IGF2R: variants seen among roughly 807,000 people sequenced by gnomAD.
The protein encoded by IGF2R is cation-independent mannose-6-phosphate receptor.
Under a neutral mutation model 270.6 loss-of-function variants are expected in IGF2R, and 91 were observed. That is an observed-to-expected ratio of 0.34 (90% CI 0.28 to 0.40). IGF2R has a LOEUF of 0.40. Among genes scored for constraint, IGF2R ranks in the 10% least tolerant of loss-of-function variants. The probability of loss-of-function intolerance (pLI) is 1.00; values close to 1 mark genes in which losing one functional copy is unlikely to be tolerated. For missense variants in IGF2R, 2,805 were observed against 3,188.3 expected (o/e 0.88, Z 2.90); for synonymous variants, 1,316 against 1,258.9 (o/e 1.05, Z -0.96).
At chr6:159,989,489 G>A (rs1044205347) in intron 1 of IGF2R, among the ~76,000 whole-genome samples, 9 of 152,186 alleles carry the variant, frequency 5.9e-5, no homozygotes, top group African/African-American at 1.9e-4. Flanking sequence ...TACCCCCAGG[G>A]CCTCCACAAC....
rs1340102038 is a variant in IGF2R, at chr6:160,037,401, G to A, written c.1315+2879G>A. Among the ~76,000 whole-genome samples the A allele has an allele frequency of 2.0e-5, 3 of 152,252 alleles. No homozygotes were observed. In the South Asian group the frequency reaches 6.2e-4, roughly 32 times the overall value. On this transcript the variant is annotated intron_variant, in intron 10 of 47. Transcript: ENST00000356956. Reference sequence around the variant, plus strand: ...AAATTAGTTCATTATTATTTTGCTCGAATTTAAACTTAGAGTTTTTGGAGA... The same window carrying A: ...AAATTAGTTCATTATTATTTTGCTCAAATTTAAACTTAGAGTTTTTGGAGA...
At chr6:160,022,235 G>C (rs577024456) in intron 4 of IGF2R, among the ~76,000 whole-genome samples, 1 of 152,298 alleles carries the variant, frequency 6.6e-6, no homozygotes, top group African/African-American at 2.4e-5. Context: ...TGGAGCTTCA[G>C]AAAGGTGAGA....
Position 160,068,231 on chromosome 6 carries a change from G to T in IGF2R, c.4116-18G>T. 6.2e-7 allele frequency: 1 copy of T among 1,613,846 alleles called. No individual in the cohort carries two copies. Among genetic ancestry groups the T allele is most frequent in the Non-Finnish European group, 8.5e-7 (1 of 1,179,786 alleles). ...AATACGACCAAGCCTAACTAACTGC[G>T]GGTTTTCTTCTTTTCAGAGATGGGG... On this transcript the variant is annotated intron_variant, in intron 29 of 47. Transcript: ENST00000356956.
chr6:160,096,444 G>C lies in IGF2R; in HGVS notation c.6661G>C (p.Asp2221His), dbSNP rs760594141. The C allele has an allele frequency of 5.0e-6, 8 of 1,609,454 alleles. No homozygotes were observed. Among genetic ancestry groups the C allele is most frequent in the East Asian group, 4.5e-5 (2 of 44,678 alleles). Residue 2221 changes from aspartate (D) to histidine (H), a missense_variant, in exon 45 of 48, where the codon GAT (aspartate) becomes CAT (histidine). By Grantham distance (81) the Asp-to-His change is moderately conservative. Around this residue, in one of 2 missense-constraint regions of IGF2R, gnomAD observed 1,851 missense variants for 2,207.2 expected, o/e 0.84. Transcript: ENST00000356956. Reference sequence around the variant, plus strand: ...GTGCCCTTCCCGTTTGACAGACGGCGATCTCGATGTCGTGTTTGCCTCTTC... The same window carrying C: ...GTGCCCTTCCCGTTTGACAGACGGCCATCTCGATGTCGTGTTTGCCTCTTC... ...DKTKYYLQDG[D>H]LDVVFASSSK...
At chr6:159,997,109 C>T (rs1784064951) in intron 2 of IGF2R, among the ~76,000 whole-genome samples, 2 of 152,214 alleles carry the variant, frequency 1.3e-5, no homozygotes, top group Admixed American at 6.5e-5. Flanking sequence ...GGGCTGAGTA[C>T]AGCACCCCTG....
Position 160,109,796 on chromosome 6 carries a change from C to T in IGF2R, c.*4712C>T, listed in dbSNP as rs1428822886. The T allele has an allele frequency of 6.6e-6, 1 of 152,182 alleles. No individual in the cohort carries two copies. Among genetic ancestry groups the T allele is most frequent in the Non-Finnish European group, 1.5e-5 (1 of 68,050 alleles). 9.4% of individuals were successfully genotyped at this position (152,182 alleles called of 1,614,324 possible). A position where few individuals can be genotyped will look rare whatever the true frequency, so the allele number is the denominator to read the frequency against. ...ACCTCTGGGAGGGTGCCTGATTTGCCCTGCCCCACCCAGCGGCTTTAGGAC... is the reference window on the plus strand; with the variant it reads ...ACCTCTGGGAGGGTGCCTGATTTGCTCTGCCCCACCCAGCGGCTTTAGGAC... On this transcript the variant is annotated 3_prime_UTR_variant, in exon 48 of 48. Transcript: ENST00000356956.
chr6:160,098,465 G>C (rs550565412), intron 45 of IGF2R, among the ~76,000 whole-genome samples: 162 of 152,288 alleles, frequency 1.1e-3, no homozygotes, highest in African/African-American at 3.8e-3. Flanking sequence ...CGGGGGTGAC[G>C]TGGAATAGTG....
intron 1 of IGF2R, among the ~76,000 whole-genome samples, chr6:159,990,201 C>T (rs1783954614): frequency 6.6e-6 from 1 of 152,198 alleles, no homozygotes; most frequent in Non-Finnish European, 1.5e-5. Context: ...ATCTTATATT[C>T]AGCATGAGTC....
At chr6:160,081,775 A>G (rs1778987715) in intron 39 of IGF2R, among the ~76,000 whole-genome samples, 1 of 152,162 alleles carries the variant, frequency 6.6e-6, no homozygotes, top group African/African-American at 2.4e-5. Flanking sequence ...TATTTCTCTT[A>G]CCCGTTTTCG....
At position 160,088,041 on chromosome 6, in the gene IGF2R, G is replaced by A. The variant is rs755484397; in HGVS notation, c.6214G>A (p.Val2072Ile). The A allele has an allele frequency of 2.5e-6, 4 of 1,599,152 alleles. No homozygotes were observed. The East Asian group carries it at 8.9e-5, about 36-fold the overall frequency. Residue 2072 changes from valine to isoleucine, a missense_variant, in exon 42 of 48, where the codon GTT (valine) becomes ATT (isoleucine). Physicochemically the swap from Val to Ile is conservative, Grantham distance 29. Transcript: ENST00000356956. ...TCATTTGTGTGTTTCAGGTGACAAA[G>A]TTGTTGTCACGTACTCCAAAGGTTA... ...TQKLGVIGDK[V>I]VVTYSKGYPC...
rs759598124 is a variant in IGF2R, at chr6:160,056,441, T to C, written c.2712T>C (p.Phe904=). The change falls in exon 20 of 48, where the codon TTT becomes TTC. Residue 904 remains phenylalanine (F), a synonymous_variant. Coordinates refer to ENST00000356956, the MANE Select transcript of IGF2R (RefSeq NM_000876.4). ...CCATTCAGAACAGCCACCCCATCTT[T>C]TCTCTCAACTGGGAGTGTGTGGTCA... ...SRGRLNSHPI[F]SLNWECVVSF... The C allele has an allele frequency of 6.2e-7, 1 of 1,613,914 alleles. No homozygotes were observed. The highest frequency in any genetic ancestry group is 8.5e-7 in the Non-Finnish European group (1 of 1,179,766).
intron 29 of IGF2R, among the ~76,000 whole-genome samples, chr6:160,067,213 G>A (rs939371026): frequency 2.6e-5 from 4 of 151,972 alleles, no homozygotes; most frequent in Non-Finnish European, 4.4e-5. Context: ...TATGTGCCTC[G>A]GGCCCTTTGC....
intron 5 of IGF2R, among the ~76,000 whole-genome samples, chr6:160,026,501 C>G (rs542390862): frequency 6.6e-6 from 1 of 152,280 alleles, no homozygotes; most frequent in East Asian, 1.9e-4. Flanking sequence ...TCCTGTTTTC[C>G]TGGAACTTTA....
chr6:160,056,411 T>C lies in IGF2R; in HGVS notation c.2695-13T>C. ...TTACTGTATTGACTTTTACCCTGGA[T>C]TTGCCCATTCAGAACAGCCACCCCA... is the stretch of plus-strand genomic sequence containing the variant. On this transcript the variant is annotated splice_polypyrimidine_tract_variant and intron_variant, in intron 19 of 47. Coordinates refer to ENST00000356956, the MANE Select transcript of IGF2R (RefSeq NM_000876.4). 1 of 1,579,078 alleles carries C rather than the reference T, an allele frequency of 6.3e-7. No individual in the cohort carries two copies. Among genetic ancestry groups the C allele is most frequent in the Non-Finnish European group, 8.7e-7 (1 of 1,147,972 alleles).
At chr6:160,090,724 T>TA (rs1019218899) in intron 44 of IGF2R, among the ~76,000 whole-genome samples, 4 of 151,632 alleles carry the variant, frequency 2.6e-5, no homozygotes, top group Admixed American at 6.6e-5. Flanking sequence ...AATAACTCTT[T>TA]AAAAAAAAAT....
intron 9 of IGF2R, among the ~76,000 whole-genome samples, chr6:160,034,136 G>A (rs1251021560): frequency 6.6e-6 from 1 of 152,160 alleles, no homozygotes; most frequent in African/African-American, 2.4e-5. Context: ...TATTTTGTAC[G>A]AAATCTAAAA....
intron 4 of IGF2R, among the ~76,000 whole-genome samples, chr6:160,022,736 T>G (rs1193577376): frequency 6.6e-6 from 1 of 152,106 alleles, no homozygotes; most frequent in African/African-American, 2.4e-5. Context: ...TACATCACAG[T>G]GCTGTGAACA....
At chr6:160,010,076 T>C (rs1425279222) in intron 3 of IGF2R, among the ~76,000 whole-genome samples, 3 of 152,230 alleles carry the variant, frequency 2.0e-5, no homozygotes, top group South Asian at 2.1e-4. Context: ...CTAATTTCCT[T>C]TATGAATTCT....
chr6:160,012,799 G>A (rs1207463035), intron 4 of IGF2R, among the ~76,000 whole-genome samples: 6 of 136,760 alleles, frequency 4.4e-5, no homozygotes, highest in Non-Finnish European at 9.5e-5. Context: ...TTGTTTATTT[G>A]TTTGTTTTGT....
Sources: allele counts gnomAD v4.1 joint callset (sites outside exome capture counted in the v4.1 genomes callset), GRCh38; gene constraint gnomAD v4.1.1; regional missense constraint gnomAD v4.1.1; transcripts MANE v1.5; gene names NCBI Gene and HGNC (gene_info 2026-07-23, HGNC 2026-07-21).